The following LINC00632 variants were observed in gnomAD, a reference collection of about 807,000 sequenced individuals.
LINC00632 encodes ALDOA related specific transcript.
intron 3 of LINC00632, among the ~76,000 whole-genome samples, chrX:140,754,021 A>G (rs1423579769): frequency 9.0e-6 from 1 of 111,002 alleles, no homozygotes; most frequent in South Asian, 3.7e-4. Flanking sequence ...TGATCTGCCC[A>G]CCTTGGCCTC....
At chrX:140,711,834 G>C in intron 2 of LINC00632, 1 of 149,056 alleles carries the variant, frequency 6.7e-6, no homozygotes, top group Middle Eastern at 2.2e-3. Flanking sequence ...ACCATTTTAA[G>C]TGTTGTGATT....
chrX:140,733,703 G>T (rs1021623456), intron 2 of LINC00632, among the ~76,000 whole-genome samples: 6 of 112,208 alleles, frequency 5.3e-5, no homozygotes, highest in South Asian at 3.6e-4. Context: ...TATTAATAAA[G>T]AATAATTTAT....
intron 3 of LINC00632, among the ~76,000 whole-genome samples, chrX:140,735,277 A>C (rs2148386681): frequency 9.0e-6 from 1 of 111,283 alleles, no homozygotes; most frequent in South Asian, 3.7e-4. Flanking sequence ...ATTTTAACTA[A>C]ATTTTTGATG....
At chrX:140,725,569 G>A (rs1021732495) in intron 2 of LINC00632, among the ~76,000 whole-genome samples, 3 of 110,850 alleles carry the variant, frequency 2.7e-5, no homozygotes, top group Non-Finnish European at 5.7e-5. Flanking sequence ...TTAACCCAAC[G>A]AAATACTTTT....
At chrX:140,723,649 C>T (rs867837014) in intron 2 of LINC00632, among the ~76,000 whole-genome samples, 1 of 55,564 alleles carries the variant, frequency 1.8e-5, no homozygotes, top group Admixed American at 1.9e-4. Flanking sequence ...ACATTCCATA[C>T]ACACACACAT....
intron 2 of LINC00632, among the ~76,000 whole-genome samples, chrX:140,733,237 T>C (rs1440720924): frequency 8.9e-6 from 1 of 112,841 alleles, no homozygotes; most frequent in African/African-American, 3.2e-5. Flanking sequence ...CACGTGCACA[T>C]GCGCTTTCGC....
chrX:140,723,630 T>A (rs866778551), intron 2 of LINC00632, among the ~76,000 whole-genome samples: 11 of 32,150 alleles, frequency 3.4e-4, no homozygotes, highest in African/African-American at 4.5e-4. Context: ...ACACATTCCA[T>A]ACACACACAC....
At chrX:140,744,343 C>T (rs2148390358) in intron 3 of LINC00632, among the ~76,000 whole-genome samples, 1 of 110,160 alleles carries the variant, frequency 9.1e-6, no homozygotes, top group East Asian at 2.9e-4. Flanking sequence ...TACTTCTAAA[C>T]CTGTGCATTT....
intron 3 of LINC00632, among the ~76,000 whole-genome samples, chrX:140,765,632 C>T (rs759862006): frequency 2.7e-5 from 3 of 111,399 alleles, no homozygotes; most frequent in Non-Finnish European, 5.6e-5. Flanking sequence ...TGCAATGATA[C>T]AAGCACCTTT....
intron 3 of LINC00632, among the ~76,000 whole-genome samples, chrX:140,734,681 A>G (rs184372684): frequency 1.9e-4 from 21 of 111,001 alleles, no homozygotes; most frequent in Non-Finnish European, 2.1e-4. Flanking sequence ...TTAGTAGTAC[A>G]CAATCAGAAG....
At chrX:140,742,021 T>C (rs1225862741) in intron 3 of LINC00632, among the ~76,000 whole-genome samples, 4 of 112,080 alleles carry the variant, frequency 3.6e-5, no homozygotes, top group Non-Finnish European at 3.8e-5. Flanking sequence ...ATGGGCAGTG[T>C]GCTCCTCCCT....
intron 3 of LINC00632, among the ~76,000 whole-genome samples, chrX:140,766,890 AAAAG>A (rs996050424): frequency 2.0e-4 from 22 of 110,002 alleles, no homozygotes; most frequent in Non-Finnish European, 3.4e-4. Flanking sequence ...ATGTGGAACA[AAAAG>A]AAAATTCATA....
At chrX:140,780,067 C>T (rs1931914182) in exon 5 of LINC00632, among the ~76,000 whole-genome samples, 1 of 111,876 alleles carries the variant, frequency 8.9e-6, no homozygotes, top group Admixed American at 9.5e-5. Flanking sequence ...TATTTCTTAA[C>T]CATTCCAGAC....
intron 2 of LINC00632, chrX:140,713,708 G>C (rs1449436307): frequency 5.9e-6 from 2 of 341,667 alleles, no homozygotes. Flanking sequence ...ACAGCAAAAA[G>C]ATGTTCCCCA....
intron 3 of LINC00632, among the ~76,000 whole-genome samples, chrX:140,751,239 C>T (rs1261867388): frequency 9.1e-6 from 1 of 109,800 alleles, no homozygotes; most frequent in Non-Finnish European, 1.9e-5. Flanking sequence ...TACATTCCCA[C>T]CAGCAGTGTA....
chrX:140,768,529 A>G (rs759672342), intron 3 of LINC00632, among the ~76,000 whole-genome samples: 1 of 101,605 alleles, frequency 9.8e-6, no homozygotes, highest in South Asian at 4.1e-4. Context: ...GATGTAATAT[A>G]TATAACACAT....
At chrX:140,753,162 C>T (rs927266798) in intron 3 of LINC00632, among the ~76,000 whole-genome samples, 4 of 111,439 alleles carry the variant, frequency 3.6e-5, no homozygotes, top group Admixed American at 2.9e-4. Context: ...GGACAGATGC[C>T]ACCTTTTCAA....
intron 2 of LINC00632, among the ~76,000 whole-genome samples, chrX:140,724,437 A>C: frequency 9.5e-6 from 1 of 105,687 alleles, no homozygotes; most frequent in Admixed American, 1.0e-4. Context: ...ACACATACAC[A>C]CACAGACATT....
chrX:140,722,701 C>T, intron 2 of LINC00632, among the ~76,000 whole-genome samples: 1 of 111,030 alleles, frequency 9.0e-6, no homozygotes, highest in Non-Finnish European at 1.9e-5. Flanking sequence ...TGCAAACTCG[C>T]CCCCGCAACT....
Sources: gnomAD v4.1 joint callset for allele counts (sites outside exome capture counted in the v4.1 genomes callset) on GRCh38, gnomAD v4.1.1 for gene constraint, MANE v1.5 for transcripts, NCBI Gene and HGNC (gene_info 2026-07-23, HGNC 2026-07-21) for gene names.